ATP9B: variants seen among roughly 807,000 people sequenced by gnomAD.
The protein encoded by ATP9B is probable phospholipid-transporting ATPase IIB.
ATP9B carries 110 observed loss-of-function variants against 146.1 expected under a neutral mutation model. The observed-to-expected ratio is 0.75, with a 90% CI of 0.65 to 0.88. The LOEUF (loss-of-function observed/expected upper bound fraction) is 0.88. ATP9B is among the 40% of genes least tolerant of loss of function. The probability of loss-of-function intolerance (pLI) is 0.00; values close to 1 mark genes in which losing one functional copy is unlikely to be tolerated. For synonymous variants in ATP9B, 604 were observed against 569.7 expected (o/e 1.06, Z -0.86); for missense variants, 1,499 against 1,496.4 (o/e 1.00, Z -0.03).
At chr18:79,207,731 G>GTGCCCTTCTCTCCTGGA (rs1174066373) in intron 10 of ATP9B, among the ~76,000 whole-genome samples, 1 of 151,912 alleles carries the variant, frequency 6.6e-6, no homozygotes. Flanking sequence ...CCAGTGCTGG[G>GTGCCCTTCTCTCCTGGA]TGCCCTTCTC....
At chr18:79,211,433 T>A (rs1296217380) in intron 10 of ATP9B, among the ~76,000 whole-genome samples, 1 of 152,240 alleles carries the variant, frequency 6.6e-6, no homozygotes. Flanking sequence ...GACTATAGAA[T>A]GACTTGCAGA....
At chr18:79,192,356 C>T (rs551802955) in intron 8 of ATP9B, among the ~76,000 whole-genome samples, 1 of 152,246 alleles carries the variant, frequency 6.6e-6, no homozygotes, top group African/African-American at 2.4e-5. Context: ...GGGCGGGTCA[C>T]AAGACCACCC....
At chr18:79,312,327 C>G (rs960865022) in intron 15 of ATP9B, among the ~76,000 whole-genome samples, 1 of 152,232 alleles carries the variant, frequency 6.6e-6, no homozygotes, top group African/African-American at 2.4e-5. Flanking sequence ...TGTAGTCACT[C>G]CGTTACTTTT....
chr18:79,334,926 CG>C (rs2096814261), intron 17 of ATP9B, among the ~76,000 whole-genome samples: 1 of 152,166 alleles, frequency 6.6e-6, no homozygotes, highest in Non-Finnish European at 1.5e-5. Flanking sequence ...TGCCTTGTTC[CG>C]GGTAGGAGAG....
intron 22 of ATP9B, 60 bp downstream of exon 22, chr18:79,345,632 G>C: frequency 6.3e-7 from 1 of 1,596,736 alleles, no homozygotes; most frequent in East Asian, 2.2e-5. Context: ...GGCTGACATT[G>C]ATGGGCAAAG....
intron 12 of ATP9B, among the ~76,000 whole-genome samples, chr18:79,265,943 CTCTT>C (rs1465333315): frequency 2.0e-5 from 3 of 152,166 alleles, no homozygotes; most frequent in African/African-American, 7.2e-5. Context: ...TCCGGTTTCT[CTCTT>C]CTGCAAATGG....
intron 4 of ATP9B, among the ~76,000 whole-genome samples, chr18:79,123,724 G>A (rs1218638739): frequency 6.6e-6 from 1 of 152,136 alleles, no homozygotes; most frequent in Admixed American, 6.5e-5. Context: ...AAAGATAGGT[G>A]CATAGATCAG....
chr18:79,074,720 T>G (rs1184264447), intron 1 of ATP9B, among the ~76,000 whole-genome samples: 2 of 152,252 alleles, frequency 1.3e-5, no homozygotes, highest in African/African-American at 4.8e-5. Context: ...CCTTCTTACC[T>G]TCTTCCAGAA....
At chr18:79,346,999 C>A (rs1312232665) in intron 23 of ATP9B, among the ~76,000 whole-genome samples, 2 of 152,258 alleles carry the variant, frequency 1.3e-5, no homozygotes, top group African/African-American at 4.8e-5. Context: ...GACTGGCGTA[C>A]AGGGAGGTGT....
chr18:79,118,313 G>A (rs1047422457), intron 4 of ATP9B, among the ~76,000 whole-genome samples: 3 of 143,376 alleles, frequency 2.1e-5, no homozygotes, highest in African/African-American at 7.7e-5. Flanking sequence ...AATAAAAGCA[G>A]TATAGCATTA....
chr18:79,363,614 A>G (rs1387421786), intron 26 of ATP9B: 1 of 152,332 alleles, frequency 6.6e-6, no homozygotes, highest in Non-Finnish European at 1.5e-5. Flanking sequence ...TGAGAGACGT[A>G]AACTGATGTT....
In ATP9B at chr18:79,231,803, T is replaced by TATATAC. The variant is rs569726473; in HGVS notation, c.1107+17766_1107+17767insTATACA. 8.5e-3 allele frequency among the ~76,000 whole-genome samples: 976 copies of TATATAC among 114,662 alleles called. 5 individuals carry two copies. Among genetic ancestry groups the TATATAC allele is most frequent in the Middle Eastern group, 0.017 (3 of 180 alleles). The allele number at this position is 114,662 out of a possible 152,430, so 75.2% of individuals were successfully genotyped here. A position where few individuals can be genotyped will look rare whatever the true frequency, so the allele number is the denominator to read the frequency against. On this transcript the variant is annotated intron_variant, in intron 11 of 29. Coordinates refer to ENST00000426216, the MANE Select transcript of ATP9B (RefSeq NM_198531.5). Reference sequence around the variant, plus strand: ...GTATATATATATATATATATATATATACACACACACACCATGGAATACTGC... The same window carrying TATATAC: ...GTATATATATATATATATATATATATATATACACACACACACACCATGGAATACTGC...
intron 5 of ATP9B, among the ~76,000 whole-genome samples, chr18:79,134,356 TC>T (rs1555698057): frequency 6.6e-6 from 1 of 152,166 alleles, no homozygotes; most frequent in Non-Finnish European, 1.5e-5. Context: ...CACACATACA[TC>T]CCATGGCACC....
rs537709781 is a variant in ATP9B, at chr18:79,186,171, G to A, written c.874-7012G>A. 3.9e-5 allele frequency among the ~76,000 whole-genome samples: 6 copies of A among 152,216 alleles called. No individual in the cohort carries two copies. The South Asian group carries it at 6.2e-4, about 16-fold the overall frequency. On this transcript the variant is annotated intron_variant, in intron 8 of 29. Coordinates refer to ENST00000426216, the MANE Select transcript of ATP9B (RefSeq NM_198531.5). ...CATGCTGATTTATTTCAAAAGATCC[G>A]TATAGCAGTAAACAATACCATTTAC...
chr18:79,183,396 A>G (rs2095271629), intron 8 of ATP9B, among the ~76,000 whole-genome samples: 1 of 152,190 alleles, frequency 6.6e-6, no homozygotes, highest in South Asian at 2.1e-4. Flanking sequence ...CCAATCTGAT[A>G]ACTGTAACAA....
chr18:79,097,157 C>CA (rs373009400), intron 2 of ATP9B, among the ~76,000 whole-genome samples: 1,673 of 79,858 alleles, frequency 0.021, 26 homozygotes, highest in African/African-American at 0.053. Flanking sequence ...GACTCTGTCT[C>CA]AAAAAAAAAA....
chr18:79,085,880 A>G (rs541451028), intron 1 of ATP9B: 2 of 151,432 alleles, frequency 1.3e-5, no homozygotes, highest in East Asian at 3.9e-4. Flanking sequence ...TAGAAGCAAC[A>G]CAGTTTTTTT....
chr18:79,342,982 A>T (rs2096867322), intron 20 of ATP9B, among the ~76,000 whole-genome samples: 1 of 152,222 alleles, frequency 6.6e-6, no homozygotes, highest in Admixed American at 6.5e-5. Flanking sequence ...TGTTTACTGT[A>T]TGTATTAGTT....
chr18:79,327,294 G>C (rs910610383), intron 15 of ATP9B, among the ~76,000 whole-genome samples: 8 of 152,216 alleles, frequency 5.3e-5, no homozygotes, highest in Non-Finnish European at 1.2e-4. Context: ...TGTGGTTTAA[G>C]AAGAGGACTC....
Sources: gnomAD v4.1 joint callset for allele counts (sites outside exome capture counted in the v4.1 genomes callset) on GRCh38, gnomAD v4.1.1 for gene constraint, MANE v1.5 for transcripts, NCBI Gene and HGNC (gene_info 2026-07-23, HGNC 2026-07-21) for gene names.